The following MED6 variants were observed in gnomAD, a reference collection of about 807,000 sequenced individuals.
The protein encoded by MED6 is mediator complex subunit 6.
A neutral mutation model predicts 37.5 loss-of-function variants in MED6; 33 were observed. The observed-to-expected ratio is 0.88, with a 90% CI of 0.67 to 1.18. The LOEUF is 1.18. Among genes scored for constraint, MED6 ranks in the 50% most tolerant of loss-of-function variants. The probability of loss-of-function intolerance (pLI) is 0.00; values close to 1 mark genes in which losing one functional copy is unlikely to be tolerated. For missense variants in MED6, 235 were observed against 290.6 expected, an observed-to-expected ratio of 0.81 and a Z score of 1.39; for synonymous variants, 94 against 93.6, an observed-to-expected ratio of 1.00 and a Z score of -0.02.
At chr14:70,596,525 C>A (rs1451612156) in intron 3 of MED6, 86 bp downstream of exon 3, 1 of 1,043,936 alleles carries the variant, frequency 9.6e-7, no homozygotes, top group Admixed American at 2.2e-5. Flanking sequence ...CAAACAGAAA[C>A]CAATCAAAAA....
chr14:70,594,681 C>G (rs945290226), intron 3 of MED6: 1 of 454,942 alleles, frequency 2.2e-6, no homozygotes, highest in African/African-American at 2.0e-5. Context: ...CTCTGGTTCC[C>G]AGATCTCCGT....
chr14:70,586,588 C>T (rs749300767), intron 6 of MED6, among the ~76,000 whole-genome samples: 8 of 152,124 alleles, frequency 5.3e-5, no homozygotes, highest in Admixed American at 1.3e-4. Flanking sequence ...TTATTACTTC[C>T]ATATCATCTT....
Position 70,583,551 on chromosome 14 carries a change from A to AACT in MED6, c.*1259_*1261dup, listed in dbSNP as rs926019693. 10 of 152,234 alleles carry AACT rather than the reference A, an allele frequency of 6.6e-5. No homozygotes were observed. Among genetic ancestry groups the AACT allele is most frequent in the African/African-American group, 2.4e-4 (10 of 41,462 alleles). The allele number at this position is 152,234 out of a possible 1,614,324, so 9.4% of individuals were successfully genotyped here. On this transcript the variant is annotated 3_prime_UTR_variant, in exon 8 of 8. Transcript: ENST00000256379. ...GAGACTCTAGTGATTCCACTTCTGG[A>AACT]ACTCTATCCTAAGGAAATAAATACC...
chr14:70,596,812 ACTG>A, intron 2 of MED6, 110 bp from the exon 3 acceptor site: 1 of 758,846 alleles, frequency 1.3e-6, no homozygotes, highest in Non-Finnish European at 2.1e-6. Context: ...TAGGATTAAA[ACTG>A]CCTATGTTTG....
chr14:70,588,789 G>C (rs1360757164), intron 6 of MED6, among the ~76,000 whole-genome samples: 1 of 151,126 alleles, frequency 6.6e-6, no homozygotes, highest in East Asian at 1.9e-4. Flanking sequence ...TGGCCATTTT[G>C]ATAACTGTTG....
Position 70,596,695 on chromosome 14 carries a change from CCATCTGACTGAAAA to C in MED6, c.183-7_189del. The C allele has an allele frequency of 1.2e-6, 2 of 1,613,026 alleles. No individual in the cohort carries two copies. Among genetic ancestry groups the C allele is most frequent in the Non-Finnish European group, 1.7e-6 (2 of 1,179,196 alleles). ...TGCAAAAGGATGTACTCGATTCCAA[CCATCTGACTGAAAA>C]CAGAACACAGACATCCAAAGATCTA... On this transcript the variant is annotated splice_acceptor_variant and splice_polypyrimidine_tract_variant and coding_sequence_variant and intron_variant, in exon 3 of 8. Transcript: ENST00000256379. LOFTEE classifies it high-confidence loss of function.
chr14:70,591,350 T>G lies in MED6; in HGVS notation c.498A>C (p.Glu166Asp). 1 of 1,606,358 alleles carries G rather than the reference T, an allele frequency of 6.2e-7. No homozygotes were observed. Among genetic ancestry groups the G allele is most frequent in the Non-Finnish European group, 8.5e-7 (1 of 1,178,124 alleles). ...DKVRPKAKRKEEPSSIFQRQR... is the reference protein window; with the variant it reads ...DKVRPKAKRKDEPSSIFQRQR... ...GTCTCTGAAAAATAGAGCTTGGTTCTTCTTTCCTTTTGGCTTTAGGTCTGA... is the reference window on the plus strand; with the variant it reads ...GTCTCTGAAAAATAGAGCTTGGTTCGTCTTTCCTTTTGGCTTTAGGTCTGA... Residue 166 changes from glutamate (E) to aspartate (D), a missense_variant, in exon 6 of 8, where the codon GAA (glutamate) becomes GAC (aspartate). By Grantham distance (45) the Glu-to-Asp change is conservative. Transcript: ENST00000256379.
At chr14:70,595,516 TG>T in intron 3 of MED6, 1 of 679,800 alleles carries the variant, frequency 1.5e-6, no homozygotes, top group Non-Finnish European at 2.7e-6. Flanking sequence ...CTGAGGGAGG[TG>T]GAGGCCTGCT....
Position 70,583,676 on chromosome 14 carries a change from G to C in MED6, c.*1137C>G, listed in dbSNP as rs2030001675. 6.4e-6 allele frequency: 1 copy of C among 156,506 alleles called. No homozygotes were observed. Among genetic ancestry groups the C allele is most frequent in the South Asian group, 2.1e-4 (1 of 4,870 alleles). 9.7% of individuals were successfully genotyped at this position (156,506 alleles called of 1,614,324 possible). On this transcript the variant is annotated 3_prime_UTR_variant, in exon 8 of 8. Coordinates refer to ENST00000256379, the MANE Select transcript of MED6 (RefSeq NM_005466.4). The stretch of plus-strand genomic sequence containing the variant: ...CCAAATATAAGACAGAAAGAAAACT[G>C]AGATACAATCATTTACAGAAATTCG...
At chr14:70,585,561 T>TTTTTTC (rs1555358519) in intron 7 of MED6, among the ~76,000 whole-genome samples, 195 bp downstream of exon 7, 12 of 151,572 alleles carry the variant, frequency 7.9e-5, no homozygotes, top group African/African-American at 4.9e-5. Flanking sequence ...GAGACTTTTT[T>TTTTTTC]TTTTTTTTCA....
Position 70,584,661 on chromosome 14 carries a change from C to T in MED6, c.*152G>A. On this transcript the variant is annotated 3_prime_UTR_variant, in exon 8 of 8. Coordinates refer to ENST00000256379, the MANE Select transcript of MED6 (RefSeq NM_005466.4). ...AAAGTGCTGGGATTACAGGCGTGAGCCACCACATCCGGCCTAATATCCTTT... is the reference window on the plus strand; with the variant it reads ...AAAGTGCTGGGATTACAGGCGTGAGTCACCACATCCGGCCTAATATCCTTT... 3 of 1,014,872 alleles carry T rather than the reference C, an allele frequency of 3.0e-6. No individual in the cohort carries two copies. Among genetic ancestry groups the T allele is most frequent in the Middle Eastern group, 6.7e-4 (2 of 2,968 alleles). 62.9% of individuals were successfully genotyped at this position (1,014,872 alleles called of 1,614,324 possible).
At chr14:70,594,323 T>C (rs1012511406) in intron 3 of MED6, among the ~76,000 whole-genome samples, 1 of 152,222 alleles carries the variant, frequency 6.6e-6, no homozygotes, top group African/African-American at 2.4e-5. Flanking sequence ...TCTACACTCT[T>C]CAGTGTTGTT....
Position 70,595,277 on chromosome 14 carries a change from G to A in MED6, c.274+1334C>T, listed in dbSNP as rs536383817. The A allele has an allele frequency of 1.8e-5, 10 of 546,888 alleles. No individual in the cohort carries two copies. The East Asian group carries it at 2.3e-4, about 12-fold the overall frequency. The allele number at this position is 546,888 out of a possible 1,614,324, so 33.9% of individuals were successfully genotyped here. On this transcript the variant is annotated intron_variant, in intron 3 of 7. Transcript: ENST00000256379. ...AGATACCCCCAAATCTCAGGACCTCGCCAAGATCACAGGAGACATCCTAAT... is the reference window on the plus strand; with the variant it reads ...AGATACCCCCAAATCTCAGGACCTCACCAAGATCACAGGAGACATCCTAAT...
At position 70,588,932 on chromosome 14, in the gene MED6, T is replaced by C. The variant is rs1884794058; in HGVS notation, c.582+2334A>G. Among the ~76,000 whole-genome samples the C allele has an allele frequency of 2.0e-5, 3 of 152,198 alleles. 1 individual carries two copies. The South Asian group carries it at 6.2e-4, about 32-fold the overall frequency. ...ATCAAGAGAGTCTTTGAGCTTTCTA[T>C]AACGTCTAGCCTAGCTCACCAGGAC... On this transcript the variant is annotated intron_variant, in intron 6 of 7. Coordinates refer to ENST00000256379, the MANE Select transcript of MED6 (RefSeq NM_005466.4).
chr14:70,584,806 C>G lies in MED6; in HGVS notation c.*7G>C, dbSNP rs745989762. On this transcript the variant is annotated 3_prime_UTR_variant, in exon 8 of 8. Coordinates refer to ENST00000256379, the MANE Select transcript of MED6 (RefSeq NM_005466.4). ...GGAGTCTTCCAGGCTTCTCTTTTGTCCAGTACTCACTGAAGTCTCATCCGT... is the reference window on the plus strand; with the variant it reads ...GGAGTCTTCCAGGCTTCTCTTTTGTGCAGTACTCACTGAAGTCTCATCCGT... The G allele has an allele frequency of 6.2e-6, 10 of 1,613,358 alleles. No homozygotes were observed. The Admixed American group carries it at 1.7e-4, about 27-fold the overall frequency.
intron 7 of MED6, among the ~76,000 whole-genome samples, 183 bp downstream of exon 7, chr14:70,585,573 C>A (rs997090791): frequency 2.2e-5 from 3 of 138,542 alleles, no homozygotes; most frequent in African/African-American, 8.8e-5. Context: ...TTTTTTTCAG[C>A]TCATCAGCCA....
At chr14:70,600,447 A>C (rs1885173791) in intron 1 of MED6, among the ~76,000 whole-genome samples, 169 bp downstream of exon 1, 1 of 151,798 alleles carries the variant, frequency 6.6e-6, no homozygotes, top group Admixed American at 6.6e-5. Context: ...CAGAAAAAAA[A>C]AAAAACTCGT....
intron 1 of MED6, among the ~76,000 whole-genome samples, chr14:70,598,112 T>C (rs918306856): frequency 1.3e-5 from 2 of 151,978 alleles, no homozygotes; most frequent in African/African-American, 4.8e-5. Context: ...CTGACCAACA[T>C]GGAGAAACCC....
At chr14:70,586,703 C>T (rs960986629) in intron 6 of MED6, among the ~76,000 whole-genome samples, 6 of 152,288 alleles carry the variant, frequency 3.9e-5, no homozygotes, top group African/African-American at 1.4e-4. Flanking sequence ...CCACTTCTAA[C>T]TACAAAATTT....
Sources: allele counts gnomAD v4.1 joint callset (sites outside exome capture counted in the v4.1 genomes callset), GRCh38; gene constraint gnomAD v4.1.1; transcripts MANE v1.5; gene names NCBI Gene and HGNC (gene_info 2026-07-23, HGNC 2026-07-21).